The following EBF1 variants were observed in gnomAD, a reference collection of about 807,000 sequenced individuals.
The protein encoded by EBF1 is transcription factor COE1.
In EBF1, 10 loss-of-function variants were observed where a neutral mutation model predicts 68.4. The observed-to-expected ratio is 0.15, with a 90% CI of 0.09 to 0.25. The LOEUF is 0.25. Ranked by LOEUF, EBF1 falls within the 10% of genes least tolerant of loss-of-function variation. The probability of loss-of-function intolerance (pLI) is 1.00; values close to 1 mark genes in which losing one functional copy is unlikely to be tolerated. For synonymous variants in EBF1, 298 were observed against 299.8 expected, an observed-to-expected ratio of 0.99 and a Z score of 0.06; for missense variants, 509 against 794.4, an observed-to-expected ratio of 0.64 and a Z score of 4.32.
chr5:158,776,285 A>G (rs1775230457), intron 10 of EBF1, among the ~76,000 whole-genome samples: 1 of 152,008 alleles, frequency 6.6e-6, no homozygotes. Flanking sequence ...AAGGGTCAGG[A>G]TGCATTAATT....
chr5:158,955,607 CT>C (rs1816899287), intron 6 of EBF1, among the ~76,000 whole-genome samples: 1 of 152,252 alleles, frequency 6.6e-6, no homozygotes, highest in Non-Finnish European at 1.5e-5. Context: ...CTTTGGAAGA[CT>C]GCTTGAGAGC....
At chr5:158,725,472 G>C (rs1288411052) in intron 11 of EBF1, among the ~76,000 whole-genome samples, 1 of 152,194 alleles carries the variant, frequency 6.6e-6, no homozygotes, top group Non-Finnish European at 1.5e-5. Flanking sequence ...CCCCTTTGAG[G>C]GCAGTTATAG....
At chr5:158,925,248 C>T (rs1339986316) in intron 6 of EBF1, among the ~76,000 whole-genome samples, 5 of 152,222 alleles carry the variant, frequency 3.3e-5, no homozygotes, top group African/African-American at 1.2e-4. Flanking sequence ...ATTTTCCTCA[C>T]AGCACATATC....
At chr5:158,849,314 C>T (rs762699420) in intron 6 of EBF1, among the ~76,000 whole-genome samples, 7 of 152,142 alleles carry the variant, frequency 4.6e-5, no homozygotes, top group African/African-American at 7.2e-5. Context: ...TAAGTCACAC[C>T]AAGCTACATC....
At chr5:159,010,259 T>C (rs1017495916) in intron 6 of EBF1, among the ~76,000 whole-genome samples, 2 of 152,200 alleles carry the variant, frequency 1.3e-5, no homozygotes, top group African/African-American at 2.4e-5. Context: ...CAGAGGAATG[T>C]AGTTTGCAGA....
chr5:158,961,692 T>C (rs1818212692), intron 6 of EBF1, among the ~76,000 whole-genome samples: 1 of 152,252 alleles, frequency 6.6e-6, no homozygotes, highest in South Asian at 2.1e-4. Flanking sequence ...ACAGAGAATG[T>C]AAGTTACTCT....
At chr5:158,958,287 T>C (rs79395001) in intron 6 of EBF1, among the ~76,000 whole-genome samples, 3 of 152,232 alleles carry the variant, frequency 2.0e-5, no homozygotes, top group Admixed American at 1.3e-4. Context: ...AGAATCAAAG[T>C]TTTCTTCAAA....
intron 6 of EBF1, among the ~76,000 whole-genome samples, chr5:158,928,109 A>T (rs1461161760): frequency 3.3e-5 from 5 of 152,188 alleles, no homozygotes; most frequent in Admixed American, 2.6e-4. Flanking sequence ...ATGGTTAATT[A>T]TGATCTCAGG....
intron 6 of EBF1, among the ~76,000 whole-genome samples, chr5:158,943,218 G>C (rs1030466431): frequency 2.0e-5 from 3 of 152,044 alleles, no homozygotes; most frequent in African/African-American, 4.8e-5. Context: ...TGACACATAG[G>C]CTAGTCATCA....
intron 6 of EBF1, among the ~76,000 whole-genome samples, chr5:158,877,473 T>C (rs987261158): frequency 6.6e-6 from 1 of 152,200 alleles, no homozygotes; most frequent in African/African-American, 2.4e-5. Flanking sequence ...ATGAGTTTGA[T>C]TTTCTTCATC....
intron 5 of EBF1, among the ~76,000 whole-genome samples, chr5:159,080,102 C>G (rs1779488491): frequency 6.6e-6 from 1 of 152,156 alleles, no homozygotes; most frequent in South Asian, 2.1e-4. Context: ...GAAACGACCT[C>G]TGAAGTCAGT....
At position 159,064,899 on chromosome 5, in the gene EBF1, C is replaced by CTTTT. The variant is rs57256923; in HGVS notation, c.554+8493_554+8496dup. On this transcript the variant is annotated intron_variant, in intron 6 of 15. Transcript: ENST00000313708. ...GAAAAAGAGACTGCTCTCTTTTCATCTTTTTTTTTTTTTTTTTTTTTTTTT... is the reference window on the plus strand; with the variant it reads ...GAAAAAGAGACTGCTCTCTTTTCATCTTTTTTTTTTTTTTTTTTTTTTTTTTTTT... Among the ~76,000 whole-genome samples, 484 of 67,840 alleles carry CTTTT rather than the reference C, an allele frequency of 7.1e-3. 4 individuals are homozygous for CTTTT. The highest frequency in any genetic ancestry group is 8.5e-3 in the East Asian group (16 of 1,882). The allele number at this position is 67,840 out of a possible 152,430, so 44.5% of individuals were successfully genotyped here. A position where few individuals can be genotyped will look rare whatever the true frequency, so the allele number is the denominator to read the frequency against.
intron 6 of EBF1, among the ~76,000 whole-genome samples, chr5:158,946,043 T>C (rs1221945044): frequency 6.6e-6 from 1 of 152,212 alleles, no homozygotes; most frequent in Non-Finnish European, 1.5e-5. Flanking sequence ...AGGTCATTTA[T>C]GTTCTTCTCT....
chr5:158,951,244 G>A (rs1351179755), intron 6 of EBF1, among the ~76,000 whole-genome samples: 2 of 152,180 alleles, frequency 1.3e-5, no homozygotes, highest in Non-Finnish European at 2.9e-5. Context: ...GGCCTGTGAT[G>A]CCATGCGTTT....
intron 6 of EBF1, among the ~76,000 whole-genome samples, chr5:159,056,971 T>C (rs1292461160): frequency 6.6e-6 from 1 of 152,172 alleles, no homozygotes; most frequent in Non-Finnish European, 1.5e-5. Flanking sequence ...TTATATGACA[T>C]AGTATGAACA....
At chr5:158,973,857 A>G (rs546487490) in intron 6 of EBF1, among the ~76,000 whole-genome samples, 11 of 152,070 alleles carry the variant, frequency 7.2e-5, no homozygotes, top group Non-Finnish European at 1.3e-4. Context: ...TGTTGTTATC[A>G]CCTGCATGCC....
intron 8 of EBF1, among the ~76,000 whole-genome samples, chr5:158,814,351 A>G (rs1783295078): frequency 6.6e-6 from 1 of 152,204 alleles, no homozygotes; most frequent in Non-Finnish European, 1.5e-5. Context: ...TCTCATTAAA[A>G]AAAAAGTTTT....
Position 158,712,245 on chromosome 5 carries a change from C to T in EBF1, c.1458G>A (p.Thr486=), listed in dbSNP as rs757758762. The T allele has an allele frequency of 5.0e-6, 8 of 1,613,920 alleles. No homozygotes were observed. Among genetic ancestry groups the T allele is most frequent in the Admixed American group, 1.7e-5 (1 of 60,010 alleles). ...CGGCAGAGCCGTATCCGTTCATGCT[C>T]GTGGTGACGGAGTTATAGTTGGTCT... ...PQQTNYNSVT[T]SMNGYGSAAM... The change falls in exon 14 of 16, where the codon ACG becomes ACA. Residue 486 remains threonine (T), a synonymous_variant. Transcript: ENST00000313708.
chr5:158,742,553 C>A (rs575570143), intron 10 of EBF1, among the ~76,000 whole-genome samples: 7 of 152,298 alleles, frequency 4.6e-5, no homozygotes, highest in African/African-American at 1.7e-4. Context: ...ACTAATTAGA[C>A]ATATTTACAT....
Sources: gnomAD v4.1 joint callset for allele counts (sites outside exome capture counted in the v4.1 genomes callset) on GRCh38, gnomAD v4.1.1 for gene constraint, MANE v1.5 for transcripts, NCBI Gene and HGNC (gene_info 2026-07-23, HGNC 2026-07-21) for gene names.